VIP: variants seen among roughly 807,000 people sequenced by gnomAD.
VIP encodes VIP peptides.
In VIP, 18 loss-of-function variants were observed where a neutral mutation model predicts 20.1. The observed-to-expected ratio is 0.90, with a 90% CI of 0.62 to 1.33. The LOEUF (loss-of-function observed/expected upper bound fraction) is 1.33. VIP is among the 40% of genes most tolerant of loss of function. The pLI is 0.00. For synonymous variants in VIP, 70 were observed against 68.1 expected, an observed-to-expected ratio of 1.03 and a Z score of -0.14; for missense variants, 209 against 199.4, an observed-to-expected ratio of 1.05 and a Z score of -0.29.
chr6:152,754,255 C>T lies in VIP; in HGVS notation c.197C>T (p.Ala66Val). The T allele has an allele frequency of 6.2e-7, 1 of 1,611,130 alleles. No individual in the cohort carries two copies. The highest frequency in any genetic ancestry group is 8.5e-7 in the Non-Finnish European group (1 of 1,178,354). The change falls in exon 3 of 7, where the codon GCT becomes GTT. Residue 66 changes from alanine (A) to valine (V), a missense_variant. Transcript: ENST00000367244. ...ATTGACATGTTGCAAAATGCATTAG[C>T]TGAAAATGACACACCCTATTATGAT... ...EDIDMLQNALAENDTPYYDVS... is the reference protein window; with the variant it reads ...EDIDMLQNALVENDTPYYDVS...
At chr6:152,755,231 T>A in intron 3 of VIP, 38 bp from the exon 4 acceptor site, 3 of 1,379,172 alleles carry the variant, frequency 2.2e-6, no homozygotes, top group Middle Eastern at 1.8e-4. Context: ...AGAAAGCCAT[T>A]TACAAAATAA....
At chr6:152,752,901 A>G (rs2099729861) in intron 2 of VIP, among the ~76,000 whole-genome samples, 1 of 152,146 alleles carries the variant, frequency 6.6e-6, no homozygotes, top group African/African-American at 2.4e-5. Flanking sequence ...TTCCAAATCC[A>G]TAAAGTATAA....
rs2099730859 is a variant in VIP, at chr6:152,759,176, C to T, written c.*310C>T. 1 of 151,930 alleles carries T rather than the reference C, an allele frequency of 6.6e-6. No homozygotes were observed. The allele number at this position is 151,930 out of a possible 1,614,324, so 9.4% of individuals were successfully genotyped here. ...AAATATATTTAATGATAAGTAAATG[C>T]TAGGTTAATTCCAATTATATGAGAC... On this transcript the variant is annotated 3_prime_UTR_variant, in exon 7 of 7. Coordinates refer to ENST00000367244, the MANE Select transcript of VIP (RefSeq NM_003381.4).
intron 2 of VIP, 52 bp from the exon 3 acceptor site, chr6:152,754,114 C>G (rs2099730058): frequency 6.3e-7 from 1 of 1,580,936 alleles, no homozygotes; most frequent in Admixed American, 1.8e-5. Context: ...GAACCATACA[C>G]ACTGTCTTCT....
rs748544802 is a variant in VIP, at chr6:152,755,309, A to G, written c.271A>G (p.Ser91Gly). 3.3e-5 allele frequency: 53 copies of G among 1,596,324 alleles called. No homozygotes were observed. The African/African-American group carries it at 6.5e-4, about 19-fold the overall frequency. ...HADGVFTSDF[S>G]KLLGQLSAKK... ...TGATGGAGTTTTCACCAGTGACTTC[A>G]GTAAACTCTTGGGTCAACTTTCTGC... Residue 91 changes from serine to glycine, a missense_variant, in exon 4 of 7, where the codon AGT (serine) becomes GGT (glycine). Coordinates refer to ENST00000367244, the MANE Select transcript of VIP (RefSeq NM_003381.4).
chr6:152,754,766 G>A (rs2099730158), intron 3 of VIP, among the ~76,000 whole-genome samples: 1 of 151,798 alleles, frequency 6.6e-6, no homozygotes, highest in Non-Finnish European at 1.5e-5. Flanking sequence ...GAAAAGGTGG[G>A]ATGATAGGCC....
intron 6 of VIP, among the ~76,000 whole-genome samples, 196 bp downstream of exon 6, chr6:152,757,380 CT>C (rs1414087440): frequency 6.6e-6 from 1 of 151,754 alleles, no homozygotes; most frequent in African/African-American, 2.4e-5. Flanking sequence ...TTTTTTTGAT[CT>C]TGTAAAAGAG....
intron 6 of VIP, among the ~76,000 whole-genome samples, chr6:152,757,659 T>G (rs1297339346): frequency 6.6e-6 from 1 of 151,998 alleles, no homozygotes; most frequent in Admixed American, 6.6e-5. Context: ...CAAGGCATTC[T>G]GGGTCTAACT....
chr6:152,755,373 G>T lies in VIP; in HGVS notation c.335G>T (p.Ser112Ile). 1 of 1,507,092 alleles carries T rather than the reference G, an allele frequency of 6.6e-7. No homozygotes were observed. Among genetic ancestry groups the T allele is most frequent in the Non-Finnish European group, 8.9e-7 (1 of 1,118,004 alleles). 93.4% of individuals were successfully genotyped at this position (1,507,092 alleles called of 1,614,324 possible). ...GAGTCTCTTATGGGAAAACGTGTTA[G>T]GTAAAGAGAATTTATTATTTTTATA... ...YLESLMGKRVSSNISEDPVPV... is the reference protein window; with the variant it reads ...YLESLMGKRVISNISEDPVPV... Residue 112 changes from serine (S) to isoleucine (I), a missense_variant and splice_region_variant, in exon 4 of 7, where the codon AGC becomes ATC. Physicochemically the swap from Ser to Ile is moderately radical, Grantham distance 142 (BLOSUM62 -2). Coordinates refer to ENST00000367244, the MANE Select transcript of VIP (RefSeq NM_003381.4).
intron 1 of VIP, among the ~76,000 whole-genome samples, chr6:152,751,336 T>A (rs928881512): frequency 6.6e-6 from 1 of 152,054 alleles, no homozygotes; most frequent in African/African-American, 2.4e-5. Context: ...ATTTCGTATG[T>A]TGGTTAAGTG....
intron 1 of VIP, among the ~76,000 whole-genome samples, chr6:152,751,381 A>C (rs990912859): frequency 2.0e-5 from 3 of 152,040 alleles, no homozygotes; most frequent in African/African-American, 7.2e-5. Flanking sequence ...CTTAAGTTTA[A>C]ATTCCATAAT....
chr6:152,752,104 A>C (rs919847807), intron 1 of VIP, 64 bp from the exon 2 acceptor site: 13 of 1,189,914 alleles, frequency 1.1e-5, no homozygotes, highest in Non-Finnish European at 1.6e-5. Flanking sequence ...ACTGCTAGAC[A>C]ATCAGAATTA....
At chr6:152,756,358 G>C in intron 5 of VIP, 93 bp downstream of exon 5, 1 of 1,386,880 alleles carries the variant, frequency 7.2e-7, no homozygotes, top group Non-Finnish European at 9.7e-7. Context: ...CACTTATCTA[G>C]CTATACTACG....
At chr6:152,755,653 C>T (rs1277284206) in intron 4 of VIP, among the ~76,000 whole-genome samples, 1 of 151,726 alleles carries the variant, frequency 6.6e-6, no homozygotes, top group Non-Finnish European at 1.5e-5. Flanking sequence ...CTCAGTAAAA[C>T]AATCAAAAAG....
At position 152,757,122 on chromosome 6, in the gene VIP, C is replaced by T. The variant is rs764484918; in HGVS notation, c.494C>T (p.Pro165Leu). ...AGTGAGGGAGAATCTCCCGACTTTC[C>T]AGAAGAGTTAGAAAAATGATGAAAA... ...RSSEGESPDF[P>L]EELEK The change falls in exon 6 of 7, where the codon CCA becomes CTA. Residue 165 changes from proline to leucine, a missense_variant. Transcript: ENST00000367244. 13 of 1,611,774 alleles carry T rather than the reference C, an allele frequency of 8.1e-6. No homozygotes were observed. The highest frequency in any genetic ancestry group is 1.1e-5 in the Non-Finnish European group (13 of 1,178,644).
At chr6:152,754,642 G>C (rs1285970341) in intron 3 of VIP, among the ~76,000 whole-genome samples, 1 of 151,922 alleles carries the variant, frequency 6.6e-6, no homozygotes, top group Non-Finnish European at 1.5e-5. Flanking sequence ...AAAGATACCT[G>C]ATAGAGCTGT....
rs200063614 is a variant in VIP at position 152,755,820 on chromosome 6, TA to T, written c.336-300del. On this transcript the variant is annotated intron_variant, in intron 4 of 6. Coordinates refer to ENST00000367244, the MANE Select transcript of VIP (RefSeq NM_003381.4). Reference sequence around the variant, plus strand: ...TCTAAAGAAGTAATTATGTTTTTTTTAAAAAAAAAAAAAATTTCTCCCAATG... The same window carrying T: ...TCTAAAGAAGTAATTATGTTTTTTTTAAAAAAAAAAAAATTTCTCCCAATG... Among the ~76,000 whole-genome samples the T allele has an allele frequency of 4.3e-3, 624 of 145,480 alleles. 4 individuals are homozygous for T. Among genetic ancestry groups the T allele is most frequent in the East Asian group, 0.011 (57 of 5,032 alleles).
chr6:152,753,539 G>C (rs2099729965), intron 2 of VIP, among the ~76,000 whole-genome samples: 2 of 152,024 alleles, frequency 1.3e-5, no homozygotes, highest in African/African-American at 4.8e-5. Flanking sequence ...TTAGAAAAAA[G>C]AAGGCCCCAT....
chr6:152,754,371 C>A, intron 3 of VIP, 83 bp downstream of exon 3: 1 of 1,321,898 alleles, frequency 7.6e-7, no homozygotes, highest in Non-Finnish European at 1.0e-6. Flanking sequence ...TATTTTATCT[C>A]ACCATGAAGC....
Sources: gnomAD v4.1 joint callset for allele counts (sites outside exome capture counted in the v4.1 genomes callset) on GRCh38, gnomAD v4.1.1 for gene constraint, MANE v1.5 for transcripts, NCBI Gene and HGNC (gene_info 2026-07-23, HGNC 2026-07-21) for gene names.